The following NKAIN2 variants were observed in gnomAD, a reference collection of about 807,000 sequenced individuals.
NKAIN2 encodes the protein sodium/potassium transporting ATPase interacting 2, also known as sodium/potassium-transporting ATPase subunit beta-1-interacting protein 2.
In NKAIN2, 14 loss-of-function variants were observed where a neutral mutation model predicts 32.6. The ratio of observed to expected loss-of-function variants is 0.43; its 90% CI spans 0.28 to 0.67. NKAIN2 has a LOEUF of 0.67. Ranked by LOEUF, NKAIN2 falls within the 30% of genes least tolerant of loss-of-function variation. The pLI is 0.17. For missense variants in NKAIN2, 198 were observed against 258.3 expected, an observed-to-expected ratio of 0.77 and a Z score of 1.60; for synonymous variants, 80 against 87.2, an observed-to-expected ratio of 0.92 and a Z score of 0.46.
intron 3 of NKAIN2, among the ~76,000 whole-genome samples, chr6:124,653,778 G>C (rs1415898828): frequency 2.6e-5 from 4 of 152,190 alleles, no homozygotes; most frequent in Admixed American, 6.5e-5. Context: ...ACCAGGTATG[G>C]TATTTTAATC....
chr6:124,420,347 T>A (rs892396226), intron 3 of NKAIN2, among the ~76,000 whole-genome samples: 4 of 152,114 alleles, frequency 2.6e-5, no homozygotes, highest in African/African-American at 7.2e-5. Context: ...GGTAACACAT[T>A]TACTTTTCAA....
intron 4 of NKAIN2, among the ~76,000 whole-genome samples, chr6:124,781,220 G>GCATTC (rs1277326792): frequency 6.6e-5 from 10 of 152,052 alleles, no homozygotes; most frequent in Non-Finnish European, 1.3e-4. Flanking sequence ...TAGGATTTAG[G>GCATTC]GTCCATAGGC....
intron 3 of NKAIN2, among the ~76,000 whole-genome samples, chr6:124,585,098 T>C (rs1265764305): frequency 3.3e-5 from 5 of 152,216 alleles, no homozygotes; most frequent in Non-Finnish European, 4.4e-5. Context: ...AAAAGTGGTA[T>C]TTATACACGA....
chr6:124,732,007 A>C (rs1052284133), intron 4 of NKAIN2, among the ~76,000 whole-genome samples: 1 of 152,116 alleles, frequency 6.6e-6, no homozygotes, highest in African/African-American at 2.4e-5. Flanking sequence ...CAAGACTCTA[A>C]AAGCCTACTT....
intron 1 of NKAIN2, among the ~76,000 whole-genome samples, chr6:124,231,022 A>C (rs34609179): frequency 6.6e-6 from 1 of 152,246 alleles, no homozygotes; most frequent in Non-Finnish European, 1.5e-5. Flanking sequence ...CAGTGAAAGC[A>C]GCTGAGAGGG....
rs747855122 is a variant in NKAIN2 at position 124,779,241 on chromosome 6, CAAAGAAAGAGAGAG to C, written c.475-12096_475-12083del. Among the ~76,000 whole-genome samples, 454 of 91,052 alleles carry C rather than the reference CAAAGAAAGAGAGAG, an allele frequency of 5.0e-3. 31 individuals are homozygous for C. The highest frequency in any genetic ancestry group is 0.018 in the African/African-American group (435 of 23,904). 59.7% of individuals were successfully genotyped at this position (91,052 alleles called of 152,430 possible). On this transcript the variant is annotated intron_variant, in intron 4 of 6. Coordinates refer to ENST00000368417, the MANE Select transcript of NKAIN2 (RefSeq NM_001040214.3). ...CCTGGGCGACAGAGCCAGACTCCAA[CAAAGAAAGAGAGAG>C]AGAGAGAGAGAGAGAGAGAGAGAGA... is the stretch of plus-strand genomic sequence containing the variant.
At chr6:123,894,642 G>T (rs1249817523) in intron 1 of NKAIN2, among the ~76,000 whole-genome samples, 2 of 152,052 alleles carry the variant, frequency 1.3e-5, no homozygotes, top group African/African-American at 4.8e-5. Flanking sequence ...GAGTGAGAGG[G>T]ACAGCTCTTG....
intron 1 of NKAIN2, among the ~76,000 whole-genome samples, chr6:124,044,108 AT>A (rs1191073690): frequency 6.6e-6 from 1 of 152,068 alleles, no homozygotes; most frequent in Non-Finnish European, 1.5e-5. Flanking sequence ...ACTTTAGAAA[AT>A]TACTTAATAG....
chr6:124,228,599 T>C (rs552772770), intron 1 of NKAIN2, among the ~76,000 whole-genome samples: 16 of 152,212 alleles, frequency 1.1e-4, no homozygotes, highest in African/African-American at 3.6e-4. Context: ...ACCTAAAATA[T>C]ATATTAAACT....
rs1428553800 is a variant in NKAIN2 at position 124,822,765 on chromosome 6, G to A, written c.618-455G>A. Among the ~76,000 whole-genome samples, 7 of 151,638 alleles carry A rather than the reference G, an allele frequency of 4.6e-5. No homozygotes were observed. The South Asian group carries it at 8.4e-4, about 18-fold the overall frequency. The stretch of plus-strand genomic sequence containing the variant: ...TCCCATGTCTGCGTGCTCCAGCCCC[G>A]GCAACAGAGCTAGACTTTGTCTAAA... On this transcript the variant is annotated intron_variant, in intron 6 of 6. Transcript: ENST00000368417.
chr6:124,708,824 C>A (rs1185870945), intron 4 of NKAIN2, among the ~76,000 whole-genome samples: 1 of 146,598 alleles, frequency 6.8e-6, no homozygotes, highest in Non-Finnish European at 1.5e-5. Flanking sequence ...ATTGAATACC[C>A]TTTATTTCCT....
At chr6:123,990,527 A>G (rs2114687460) in intron 1 of NKAIN2, among the ~76,000 whole-genome samples, 1 of 152,250 alleles carries the variant, frequency 6.6e-6, no homozygotes, top group East Asian at 1.9e-4. Flanking sequence ...TATCCACGAA[A>G]CCACTGGCTT....
chr6:124,327,089 T>C (rs1418285227), intron 2 of NKAIN2, among the ~76,000 whole-genome samples: 1 of 152,126 alleles, frequency 6.6e-6, no homozygotes, highest in African/African-American at 2.4e-5. Context: ...TCTGTCACTT[T>C]CATTGCTTGG....
At chr6:124,318,499 G>C (rs1318732354) in intron 2 of NKAIN2, among the ~76,000 whole-genome samples, 2 of 151,770 alleles carry the variant, frequency 1.3e-5, no homozygotes, top group Non-Finnish European at 2.9e-5. Flanking sequence ...AGACTTTTGG[G>C]TGTTAATTGC....
At chr6:124,347,168 T>C (rs1798468205) in intron 2 of NKAIN2, among the ~76,000 whole-genome samples, 1 of 152,328 alleles carries the variant, frequency 6.6e-6, no homozygotes, top group Admixed American at 6.5e-5. Context: ...TGGCCCCCAC[T>C]CTCTTCTGGC....
intron 2 of NKAIN2, among the ~76,000 whole-genome samples, chr6:124,311,219 T>A (rs987294223): frequency 6.6e-6 from 1 of 152,114 alleles, no homozygotes; most frequent in African/African-American, 2.4e-5. Context: ...GAGCAGGGTC[T>A]TCAGAGCAAG....
At chr6:123,996,388 A>G (rs1431946431) in intron 1 of NKAIN2, among the ~76,000 whole-genome samples, 1 of 51,656 alleles carries the variant, frequency 1.9e-5, no homozygotes, top group African/African-American at 1.3e-4. Flanking sequence ...ATGTGATTGT[A>G]CTCCCAAATA....
chr6:124,448,197 G>A (rs1283961701), intron 3 of NKAIN2, among the ~76,000 whole-genome samples: 1 of 152,052 alleles, frequency 6.6e-6, no homozygotes, highest in Non-Finnish European at 1.5e-5. Flanking sequence ...ACACTCATGG[G>A]ATGAATCTCC....
At chr6:124,705,962 T>C (rs1056495734) in intron 4 of NKAIN2, among the ~76,000 whole-genome samples, 2 of 152,104 alleles carry the variant, frequency 1.3e-5, no homozygotes, top group African/African-American at 4.8e-5. Flanking sequence ...CCACACATAC[T>C]GTTGGTGACC....
Sources: gnomAD v4.1 joint callset for allele counts (sites outside exome capture counted in the v4.1 genomes callset) on GRCh38, gnomAD v4.1.1 for gene constraint, MANE v1.5 for transcripts, NCBI Gene and HGNC (gene_info 2026-07-23, HGNC 2026-07-21) for gene names.